Variants in GDPD5 observed in about 807,000 individuals in gnomAD.
GDPD5 encodes glycerophosphodiester phosphodiesterase domain containing 5.
GDPD5 carries 48 observed loss-of-function variants against 75.1 expected under a neutral mutation model. The observed-to-expected ratio is 0.64, with a 90% CI of 0.51 to 0.81. The LOEUF (loss-of-function observed/expected upper bound fraction) is 0.81, where lower values mean the gene tolerates loss of function less well. Ranked by LOEUF, GDPD5 falls within the 40% of genes least tolerant of loss-of-function variation. The pLI is 0.00. For synonymous variants in GDPD5, 336 were observed against 339.0 expected, an observed-to-expected ratio of 0.99 and a Z score of 0.10; for missense variants, 706 against 822.6, an observed-to-expected ratio of 0.86 and a Z score of 1.73.
intron 1 of GDPD5, among the ~76,000 whole-genome samples, chr11:75,505,077 A>G (rs140686384): frequency 0.01 from 1,579 of 152,058 alleles, 20 homozygotes; most frequent in African/African-American, 0.035. Flanking sequence ...AGCCGAGATC[A>G]TGCCATTGCA....
intron 2 of GDPD5, among the ~76,000 whole-genome samples, chr11:75,489,998 G>C (rs946412965): frequency 6.6e-6 from 1 of 152,154 alleles, no homozygotes; most frequent in Non-Finnish European, 1.5e-5. Context: ...ATAAAGCAGG[G>C]ATAACCATGG....
intron 1 of GDPD5, among the ~76,000 whole-genome samples, chr11:75,519,002 T>C (rs187232224): frequency 6.6e-6 from 1 of 152,242 alleles, no homozygotes; most frequent in Non-Finnish European, 1.5e-5. Context: ...GGCCTGTTTA[T>C]CCTTTTCTGC....
chr11:75,504,203 A>C (rs962265062), intron 1 of GDPD5, among the ~76,000 whole-genome samples: 3 of 152,252 alleles, frequency 2.0e-5, no homozygotes, highest in South Asian at 2.1e-4. Context: ...GCGGAAAACG[A>C]GAATGAATCC....
At chr11:75,475,026 A>G (rs1949749512) in intron 3 of GDPD5, among the ~76,000 whole-genome samples, 1 of 152,268 alleles carries the variant, frequency 6.6e-6, no homozygotes, top group Non-Finnish European at 1.5e-5. Context: ...TGGGCACACA[A>G]TTAAACATGG....
chr11:75,494,749 C>T (rs1950179829), intron 1 of GDPD5, among the ~76,000 whole-genome samples: 1 of 151,516 alleles, frequency 6.6e-6, no homozygotes, highest in Non-Finnish European at 1.5e-5. Context: ...GTTGGGAGTT[C>T]GAGACCAGCC....
At chr11:75,511,000 C>T (rs1362733391) in intron 1 of GDPD5, among the ~76,000 whole-genome samples, 1 of 152,166 alleles carries the variant, frequency 6.6e-6, no homozygotes, top group Non-Finnish European at 1.5e-5. Context: ...TCTTTGAAAA[C>T]CCTCGGAGGA....
Position 75,521,524 on chromosome 11 carries a change from A to G in GDPD5, c.-145+3686T>C, listed in dbSNP as rs1941454473. 2.0e-5 allele frequency among the ~76,000 whole-genome samples: 3 copies of G among 152,168 alleles called. No individual in the cohort carries two copies. In the South Asian group the frequency reaches 6.2e-4, roughly 31 times the overall value. On this transcript the variant is annotated intron_variant, in intron 1 of 16. Transcript: ENST00000336898. ...CAAGAGTGTCTATAAAACATTTAGC[A>G]CATTGTCTGGCTCATAGTAAGTACT...
rs1948600075 is a variant in GDPD5 at position 75,435,453 on chromosome 11, T to TC, written c.*53dup. 6.7e-7 allele frequency: 1 copy of TC among 1,497,730 alleles called. No homozygotes were observed. The highest frequency in any genetic ancestry group is 2.0e-5 in the Admixed American group (1 of 49,822). 92.8% of individuals were successfully genotyped at this position (1,497,730 alleles called of 1,614,324 possible). A position where few individuals can be genotyped will look rare whatever the true frequency, so the allele number is the denominator to read the frequency against. ...AGTTCAGACACACTTCCACCAGCTC[T>TC]CCTAGGCTCCCCAGCTTCTGTGTCA... On this transcript the variant is annotated 3_prime_UTR_variant, in exon 17 of 17. Coordinates refer to ENST00000336898, the MANE Select transcript of GDPD5 (RefSeq NM_030792.8).
chr11:75,462,635 G>T, intron 4 of GDPD5, 151 bp downstream of exon 4: 1 of 628,418 alleles, frequency 1.6e-6, no homozygotes. Context: ...AGGCTCCCAG[G>T]GAGTAGGCCC....
intron 8 of GDPD5, 65 bp from the exon 9 acceptor site, chr11:75,449,187 C>G (rs1392338533): frequency 6.6e-7 from 1 of 1,511,876 alleles, no homozygotes; most frequent in Admixed American, 2.5e-5. Context: ...CAATGCTGGA[C>G]CCCTCTACCC....
intron 9 of GDPD5, among the ~76,000 whole-genome samples, chr11:75,448,126 GC>G (rs1041569155): frequency 3.3e-5 from 5 of 152,194 alleles, no homozygotes; most frequent in Non-Finnish European, 7.3e-5. Flanking sequence ...ACACCAGGAA[GC>G]CAAGCCCTCA....
intron 1 of GDPD5, among the ~76,000 whole-genome samples, chr11:75,499,525 G>A (rs1388516957): frequency 6.6e-6 from 1 of 151,656 alleles, no homozygotes; most frequent in East Asian, 1.9e-4. Context: ...TTGTGAATCA[G>A]GGCGGGTCTG....
chr11:75,454,569 TG>T (rs1054023391), intron 6 of GDPD5, among the ~76,000 whole-genome samples: 4 of 152,230 alleles, frequency 2.6e-5, no homozygotes, highest in African/African-American at 9.6e-5. Context: ...AACAGGGAAC[TG>T]GCTAGACGCC....
intron 1 of GDPD5, among the ~76,000 whole-genome samples, chr11:75,514,505 T>C (rs567581172): frequency 6.6e-6 from 1 of 152,248 alleles, no homozygotes; most frequent in Non-Finnish European, 1.5e-5. Flanking sequence ...TCACCCCTTT[T>C]GGAGCATGCA....
At chr11:75,474,423 A>T (rs923284921) in intron 3 of GDPD5, among the ~76,000 whole-genome samples, 79 of 152,340 alleles carry the variant, frequency 5.2e-4, no homozygotes, top group African/African-American at 1.8e-3. Context: ...GTAATGAGTC[A>T]CAGACAACAA....
In GDPD5 at chr11:75,449,998, G is replaced by A; in HGVS notation, c.376-15C>T. 6.2e-7 allele frequency: 1 copy of A among 1,610,026 alleles called. No individual in the cohort carries two copies. On this transcript the variant is annotated splice_polypyrimidine_tract_variant and intron_variant, in intron 6 of 16. Transcript: ENST00000336898. Reference sequence around the variant, plus strand: ...ACCAGCCCGATCTGGAGGGGGAAGAGTCACCGGACAGAGGCTCAGAGCGGG... The same window carrying A: ...ACCAGCCCGATCTGGAGGGGGAAGAATCACCGGACAGAGGCTCAGAGCGGG...
At chr11:75,486,560 T>C (rs1950024867) in intron 2 of GDPD5, among the ~76,000 whole-genome samples, 1 of 152,204 alleles carries the variant, frequency 6.6e-6, no homozygotes, top group Non-Finnish European at 1.5e-5. Flanking sequence ...GATCATGGCC[T>C]TGGAGCAGGA....
chr11:75,444,272 C>G (rs535437983), intron 10 of GDPD5, 141 bp downstream of exon 10: 1 of 644,674 alleles, frequency 1.6e-6, no homozygotes, highest in African/African-American at 1.8e-5. Context: ...GAACAGGGTG[C>G]CTGCCCTGCT....
intron 4 of GDPD5, among the ~76,000 whole-genome samples, chr11:75,460,294 C>T (rs1949383047): frequency 6.6e-6 from 1 of 151,592 alleles, no homozygotes; most frequent in African/African-American, 2.4e-5. Flanking sequence ...TGAATTATTC[C>T]CAGAGATTCT....
Sources: allele counts gnomAD v4.1 joint callset (sites outside exome capture counted in the v4.1 genomes callset), GRCh38; gene constraint gnomAD v4.1.1; transcripts MANE v1.5; gene names NCBI Gene and HGNC (gene_info 2026-07-23, HGNC 2026-07-21).